Variants in MORN1 observed in about 807,000 individuals in gnomAD.
MORN1 encodes the protein MORN repeat containing 1, also known as MORN repeat-containing protein 1.
In MORN1, 67 loss-of-function variants were observed where a neutral mutation model predicts 61.9. That is an observed-to-expected ratio of 1.08 (90% CI 0.89 to 1.33). The LOEUF is 1.33. MORN1 is among the 40% of genes most tolerant of loss of function. MORN1 has a pLI of 0.00. For synonymous variants in MORN1, 301 were observed against 292.0 expected (o/e 1.03, Z -0.31); for missense variants, 752 against 691.2 (o/e 1.09, Z -0.99).
rs115800097 is a variant in MORN1 at position 2,334,091 on chromosome 1, C to A, written c.1250+2378G>T. Reference sequence around the variant, plus strand: ...CAGCTGGGGGAGCCTCAGGCAGGGTCCCCCACTCTTTCCTAAGAGGGGGCC... The same window carrying A: ...CAGCTGGGGGAGCCTCAGGCAGGGTACCCCACTCTTTCCTAAGAGGGGGCC... On this transcript the variant is annotated intron_variant, in intron 12 of 13. Transcript: ENST00000378531. The surrounding 1 kb of genome is among the most constrained non-coding windows in gnomAD (Gnocchi z 5.4). 0.015 allele frequency among the ~76,000 whole-genome samples: 2,262 copies of A among 151,990 alleles called. 54 individuals carry two copies. The highest frequency in any genetic ancestry group is 0.052 in the African/African-American group (2,150 of 41,442).
At chr1:2,336,314 C>CG (rs1176367739) in intron 12 of MORN1, among the ~76,000 whole-genome samples, 155 bp downstream of exon 12, 11 of 152,164 alleles carry the variant, frequency 7.2e-5, no homozygotes, top group Non-Finnish European at 1.6e-4. Context: ...CCCTGGCTGG[C>CG]GGGGGGGCTC....
Position 2,372,639 on chromosome 1 carries a change from C to T in MORN1, c.635-48G>A, listed in dbSNP as rs1469279353. The T allele has an allele frequency of 6.8e-7, 1 of 1,471,916 alleles. No homozygotes were observed. Among genetic ancestry groups the T allele is most frequent in the African/African-American group, 1.4e-5 (1 of 71,894 alleles). 91.2% of individuals were successfully genotyped at this position (1,471,916 alleles called of 1,614,324 possible). On this transcript the variant is annotated intron_variant, in intron 7 of 13. Transcript: ENST00000378531. The surrounding 1 kb of genome is among the most constrained non-coding windows in gnomAD (Gnocchi z 5.4). ...TTTAGCGGTGACTGGCATGGTCCCC[C>T]ACCCACCCCATGGCTGAGTCAGCAG...
At chr1:2,380,370 C>T (rs1230936249) in intron 6 of MORN1, among the ~76,000 whole-genome samples, 2 of 152,122 alleles carry the variant, frequency 1.3e-5, no homozygotes, top group Admixed American at 6.5e-5. Context: ...CCCAGCGCAG[C>T]GGCTCACGCC....
chr1:2,391,141 C>T (rs1273523310), intron 1 of MORN1, among the ~76,000 whole-genome samples: 1 of 152,170 alleles, frequency 6.6e-6, no homozygotes, highest in African/African-American at 2.4e-5. Context: ...TTCGGGATCC[C>T]CATGGCAACC....
chr1:2,347,774 G>A (rs777446250), intron 10 of MORN1, among the ~76,000 whole-genome samples: 2 of 152,128 alleles, frequency 1.3e-5, no homozygotes, highest in African/African-American at 4.8e-5. Context: ...CGCTGCCCCC[G>A]TCACCCCCCT....
chr1:2,361,719 T>C (rs1255915430), intron 8 of MORN1, among the ~76,000 whole-genome samples: 1 of 152,182 alleles, frequency 6.6e-6, no homozygotes, highest in African/African-American at 2.4e-5. Flanking sequence ...AGTTGACCCT[T>C]GGCCAACGTG....
At chr1:2,385,179 T>C (rs1642464936) in intron 5 of MORN1, 114 bp from the exon 6 acceptor site, 17 of 1,093,714 alleles carry the variant, frequency 1.6e-5, no homozygotes, top group South Asian at 5.8e-5. Context: ...GAGGCAAAAA[T>C]AGGCCCGAGC....
At chr1:2,353,132 C>T (rs759357106) in intron 10 of MORN1, among the ~76,000 whole-genome samples, 7 of 152,218 alleles carry the variant, frequency 4.6e-5, no homozygotes, top group Non-Finnish European at 7.3e-5. Flanking sequence ...GAGGGAAGGA[C>T]GCCTGTCTGG....
intron 2 of MORN1, chr1:2,388,596 G>A (rs927559777): frequency 1.1e-5 from 5 of 438,684 alleles, no homozygotes; most frequent in Admixed American, 3.8e-5. Flanking sequence ...TGAGCAACAC[G>A]GAGAGACCCC....
In MORN1 at chr1:2,334,920, G is replaced by A. The variant is rs557778832; in HGVS notation, c.1250+1549C>T. Among the ~76,000 whole-genome samples the A allele has an allele frequency of 5.1e-4, 78 of 152,336 alleles. No individual in the cohort carries two copies. The highest frequency in any genetic ancestry group is 1.7e-3 in the African/African-American group (69 of 41,578). On this transcript the variant is annotated intron_variant, in intron 12 of 13. Transcript: ENST00000378531. The surrounding 1 kb of genome is among the most constrained non-coding windows in gnomAD (Gnocchi z 5.4). ...GCGAAGTGGAGGTGCCGCCCTGGGC[G>A]TTCGGGTCTGTGTGAGTCTGTGGGA... is the stretch of plus-strand genomic sequence containing the variant.
Position 2,325,930 on chromosome 1 carries a change from G to A in MORN1, c.1251-1787C>T, listed in dbSNP as rs371789238. ...ATGAGCCACCGTGCCCAGCTGAGAT[G>A]TTCTTTCTGTGTGAAGCCCCAGGTG... On this transcript the variant is annotated intron_variant, in intron 12 of 13. Coordinates refer to ENST00000378531, the MANE Select transcript of MORN1 (RefSeq NM_024848.3). Among the ~76,000 whole-genome samples the A allele has an allele frequency of 3.9e-5, 6 of 152,310 alleles. No individual in the cohort carries two copies. The East Asian group carries it at 5.8e-4, about 15-fold the overall frequency.
rs1570016871 is a variant in MORN1, at chr1:2,372,565, C to T, written c.661G>A (p.Gly221Ser). The T allele has an allele frequency of 1.2e-6, 2 of 1,613,674 alleles. No homozygotes were observed. The highest frequency in any genetic ancestry group is 1.3e-5 in the African/African-American group (1 of 74,968). The change falls in exon 8 of 14, where the codon GGT becomes AGT. Residue 221 changes from glycine to serine, a missense_variant. Gly to Ser is a moderately conservative substitution (Grantham distance 56, BLOSUM62 0). Transcript: ENST00000378531. This position sits in a 1 kb window ranked among gnomAD's most constrained non-coding sequence, Gnocchi z 5.4. ...AEQATRIVILGPEVMEVAQGS... is the reference protein window; with the variant it reads ...AEQATRIVILSPEVMEVAQGS... ...TGGGCCACTTCCATCACCTCCGGACCCAAGATCACGATCCTCGTAGCTTGT... is the reference window on the plus strand; with the variant it reads ...TGGGCCACTTCCATCACCTCCGGACTCAAGATCACGATCCTCGTAGCTTGT...
rs534367303 is a variant in MORN1, at chr1:2,337,379, C to T, written c.1037-529G>A. 1.3e-5 allele frequency among the ~76,000 whole-genome samples: 2 copies of T among 152,316 alleles called. No homozygotes were observed. Among genetic ancestry groups the T allele is most frequent in the East Asian group, 3.9e-4 (2 of 5,184 alleles). The stretch of plus-strand genomic sequence containing the variant: ...GGTGGCTGCGAGTCCCTCCACGTGG[C>T]GGCAGACCCCAGGTCCTCGGGCATC... On this transcript the variant is annotated intron_variant, in intron 10 of 13. Coordinates refer to ENST00000378531, the MANE Select transcript of MORN1 (RefSeq NM_024848.3). The surrounding 1 kb of genome is among the most constrained non-coding windows in gnomAD (Gnocchi z 5.7).
intron 1 of MORN1, 49 bp from the exon 2 acceptor site, chr1:2,390,045 G>C: frequency 1.3e-6 from 2 of 1,534,702 alleles, no homozygotes; most frequent in Non-Finnish European, 1.8e-6. Context: ...CAGAGATGAG[G>C]GATGCTCTCC....
intron 8 of MORN1, among the ~76,000 whole-genome samples, chr1:2,360,542 A>T (rs1641871288): frequency 6.6e-6 from 1 of 152,200 alleles, no homozygotes; most frequent in African/African-American, 2.4e-5. Context: ...AGTTGAGGAA[A>T]ATGAGCAGAG....
intron 10 of MORN1, among the ~76,000 whole-genome samples, chr1:2,344,602 C>T (rs550048612): frequency 7.9e-5 from 12 of 152,330 alleles, no homozygotes; most frequent in African/African-American, 2.6e-4. Flanking sequence ...ACACTGGTCC[C>T]TGCTGGCCTC....
chr1:2,324,444 C>G (rs1640953733), intron 12 of MORN1, among the ~76,000 whole-genome samples: 2 of 152,216 alleles, frequency 1.3e-5, no homozygotes, highest in Admixed American at 1.3e-4. Context: ...CCACAGTCTT[C>G]TGACAAGGCG....
At chr1:2,330,981 C>T (rs1162142981) in intron 12 of MORN1, among the ~76,000 whole-genome samples, 1 of 152,210 alleles carries the variant, frequency 6.6e-6, no homozygotes, top group Non-Finnish European at 1.5e-5. Flanking sequence ...TGTGGAATTC[C>T]GTAACACGCC....
At chr1:2,326,582 G>C (rs1394914493) in intron 12 of MORN1, 1 of 152,340 alleles carries the variant, frequency 6.6e-6, no homozygotes. Context: ...CGGTGGACTG[G>C]GGGTGCGTCT....
Sources: allele counts gnomAD v4.1 joint callset (sites outside exome capture counted in the v4.1 genomes callset), GRCh38; gene constraint gnomAD v4.1.1; non-coding constraint Gnocchi (gnomAD v3.1); transcripts MANE v1.5; gene names NCBI Gene and HGNC (gene_info 2026-07-23, HGNC 2026-07-21).